CPED1: variants seen among roughly 807,000 people sequenced by gnomAD.
CPED1 encodes the protein cadherin like and PC-esterase domain containing 1.
A neutral mutation model predicts 128.2 loss-of-function variants in CPED1; 114 were observed. The observed-to-expected ratio is 0.89, with a 90% CI of 0.76 to 1.04. The LOEUF is 1.04. Among genes scored for constraint, CPED1 ranks in the 50% least tolerant of loss-of-function variants. CPED1 has a pLI of 0.00. For missense variants in CPED1, 1,211 were observed against 1,207.1 expected, an observed-to-expected ratio of 1.00 and a Z score of -0.05; for synonymous variants, 462 against 426.7, an observed-to-expected ratio of 1.08 and a Z score of -1.02.
intron 2 of CPED1, among the ~76,000 whole-genome samples, 198 bp from the exon 3 acceptor site, chr7:121,015,467 G>A (rs1418387568): frequency 3.3e-5 from 5 of 152,162 alleles, no homozygotes; most frequent in African/African-American, 1.2e-4. Flanking sequence ...CTGTTACAGT[G>A]AGGACAATTC....
At chr7:121,276,199 T>C (rs1316322417) in intron 22 of CPED1, among the ~76,000 whole-genome samples, 7 of 152,040 alleles carry the variant, frequency 4.6e-5, no homozygotes, top group Admixed American at 3.9e-4. Context: ...AGAGGGAGAA[T>C]TAATATTTCC....
chr7:121,280,455 C>G (rs1246846806), intron 22 of CPED1, among the ~76,000 whole-genome samples: 1 of 152,158 alleles, frequency 6.6e-6, no homozygotes, highest in Admixed American at 6.6e-5. Flanking sequence ...GCAGGAGTTA[C>G]AAAGCCTCAG....
intron 3 of CPED1, among the ~76,000 whole-genome samples, chr7:121,044,632 G>C (rs991032428): frequency 2.1e-5 from 2 of 95,628 alleles, no homozygotes; most frequent in Non-Finnish European, 4.3e-5. Flanking sequence ...AGATTGCTGA[G>C]AGCAGTGACT....
chr7:121,242,105 A>G (rs1798409559), intron 17 of CPED1, among the ~76,000 whole-genome samples: 1 of 152,196 alleles, frequency 6.6e-6, no homozygotes, highest in African/African-American at 2.4e-5. Context: ...CCAGGTGTGC[A>G]TGCTCTCCAA....
intron 2 of CPED1, among the ~76,000 whole-genome samples, chr7:120,990,950 G>A (rs1336806200): frequency 1.3e-5 from 2 of 152,156 alleles, no homozygotes; most frequent in South Asian, 2.1e-4. Context: ...AGGATTATTA[G>A]CATTTTATGA....
intron 12 of CPED1, among the ~76,000 whole-genome samples, chr7:121,132,218 T>C (rs1307483183): frequency 6.6e-6 from 1 of 152,040 alleles, no homozygotes; most frequent in African/African-American, 2.4e-5. Context: ...GAAGTGCTAA[T>C]AAGATGGGTT....
intron 1 of CPED1, 162 bp downstream of exon 1, chr7:120,989,074 C>A (rs1280417309): frequency 6.5e-6 from 1 of 154,166 alleles, no homozygotes; most frequent in African/African-American, 2.4e-5. Flanking sequence ...GGGAAGCATA[C>A]AAAAGGCTGA....
At position 121,189,760 on chromosome 7, in the gene CPED1, TTATATATA is replaced by T. The variant is rs377035175; in HGVS notation, c.2056-46923_2056-46916del. On this transcript the variant is annotated intron_variant, in intron 16 of 22. Transcript: ENST00000310396. ...TCTTATTTTACTTTCTTATGAGGTT[TTATATATA>T]TATATATATATATATATATATATAT... Among the ~76,000 whole-genome samples the T allele has an allele frequency of 1.5e-3, 71 of 47,474 alleles. 2 individuals carry two copies. The highest frequency in any genetic ancestry group is 3.8e-3 in the Admixed American group (12 of 3,176). The allele number at this position is 47,474 out of a possible 152,430, so 31.1% of individuals were successfully genotyped here. A position where few individuals can be genotyped will look rare whatever the true frequency, so the allele number is the denominator to read the frequency against.
intron 20 of CPED1, 112 bp downstream of exon 20, chr7:121,266,920 T>C: frequency 1.3e-6 from 1 of 758,618 alleles, no homozygotes; most frequent in Non-Finnish European, 2.2e-6. Flanking sequence ...AATTTATCAT[T>C]AAGTACTTAA....
chr7:121,199,911 T>C (rs1797357171), intron 16 of CPED1, among the ~76,000 whole-genome samples: 2 of 151,998 alleles, frequency 1.3e-5, no homozygotes, highest in Admixed American at 6.6e-5. Context: ...TTTCAATATA[T>C]AATCAGTATA....
chr7:121,047,024 A>G (rs1188180071), intron 4 of CPED1, 31 bp downstream of exon 4: 1 of 1,378,824 alleles, frequency 7.3e-7, no homozygotes, highest in Non-Finnish European at 1.0e-6. Context: ...CACAGATTTT[A>G]TCAGCCCTAC....
rs184534642 is a variant in CPED1, at chr7:121,051,575, G to A, written c.540+4582G>A. On this transcript the variant is annotated intron_variant, in intron 4 of 22. Transcript: ENST00000310396. ...AAGTCAGTCCTGCATTTAATGTCTT[G>A]AACATTTTAAATTACTTCTATGCCC... 113 of 375,144 alleles carry A rather than the reference G, an allele frequency of 3.0e-4. 1 individual carries two copies. The highest frequency in any genetic ancestry group is 2.1e-3 in the African/African-American group (97 of 46,184). 23.2% of individuals were successfully genotyped at this position (375,144 alleles called of 1,614,324 possible).
intron 2 of CPED1, among the ~76,000 whole-genome samples, chr7:121,005,393 T>A (rs1310982101): frequency 6.6e-6 from 1 of 152,150 alleles, no homozygotes. Context: ...TAAACACATG[T>A]GCATGTGTCT....
At chr7:121,155,556 G>A (rs1796265969) in intron 16 of CPED1, among the ~76,000 whole-genome samples, 1 of 152,100 alleles carries the variant, frequency 6.6e-6, no homozygotes, top group Non-Finnish European at 1.5e-5. Context: ...TATAATCCAT[G>A]CATTTACAGC....
chr7:121,177,642 C>T (rs545792592), intron 16 of CPED1, among the ~76,000 whole-genome samples: 11 of 152,136 alleles, frequency 7.2e-5, no homozygotes, highest in South Asian at 2.1e-4. Flanking sequence ...AACAGTGCAA[C>T]GGCTAGTTCC....
chr7:121,129,291 A>ATATATATATACACG (rs1351288319), intron 11 of CPED1, among the ~76,000 whole-genome samples: 3 of 71,474 alleles, frequency 4.2e-5, no homozygotes, highest in African/African-American at 1.2e-4. Context: ...ATATATGTAT[A>ATATATATATACACG]TATATATATA....
chr7:121,296,338 T>C lies in CPED1; in HGVS notation c.*686T>C, dbSNP rs528600716. 1 of 152,304 alleles carries C rather than the reference T, an allele frequency of 6.6e-6. No individual in the cohort carries two copies. The highest frequency in any genetic ancestry group is 2.4e-5 in the African/African-American group (1 of 41,574). The allele number at this position is 152,304 out of a possible 1,614,324, so 9.4% of individuals were successfully genotyped here. ...TGTTTTTCATAAACATTCCCTCTTGTCTTATCTGTGTACTTCGATGGGTAA... is the reference window on the plus strand; with the variant it reads ...TGTTTTTCATAAACATTCCCTCTTGCCTTATCTGTGTACTTCGATGGGTAA... On this transcript the variant is annotated 3_prime_UTR_variant, in exon 23 of 23. Coordinates refer to ENST00000310396, the MANE Select transcript of CPED1 (RefSeq NM_024913.5).
At chr7:121,237,528 C>T (rs1391508866) in intron 17 of CPED1, among the ~76,000 whole-genome samples, 64 of 152,094 alleles carry the variant, frequency 4.2e-4, no homozygotes, top group Admixed American at 4.2e-3. Context: ...ATCTTTGGTG[C>T]CACTCTCAAC....
At chr7:121,225,813 G>T (rs1027187851) in intron 16 of CPED1, among the ~76,000 whole-genome samples, 3 of 152,040 alleles carry the variant, frequency 2.0e-5, no homozygotes, top group Non-Finnish European at 4.4e-5. Flanking sequence ...CTCATGCCAT[G>T]GTTTTCAGCT....
Sources: gnomAD v4.1 joint callset for allele counts (sites outside exome capture counted in the v4.1 genomes callset) on GRCh38, gnomAD v4.1.1 for gene constraint, MANE v1.5 for transcripts, NCBI Gene and HGNC (gene_info 2026-07-23, HGNC 2026-07-21) for gene names.